Variants in DNAJC2 observed in about 807,000 individuals in gnomAD.
DNAJC2 encodes DnaJ heat shock protein family (Hsp40) member C2, also known as dnaJ homolog subfamily C member 2.
A neutral mutation model predicts 94.0 loss-of-function variants in DNAJC2; 32 were observed. The observed-to-expected ratio is 0.34, with a 90% CI of 0.26 to 0.46. The LOEUF is 0.46. Among genes scored for constraint, DNAJC2 ranks in the 20% least tolerant of loss-of-function variants. The probability of loss-of-function intolerance (pLI) is 1.00; values close to 1 mark genes in which losing one functional copy is unlikely to be tolerated. For missense variants in DNAJC2, 550 were observed against 719.5 expected (o/e 0.76, Z 2.69); for synonymous variants, 210 against 229.7 (o/e 0.91, Z 0.77).
intron 2 of DNAJC2, 105 bp downstream of exon 2, chr7:103,341,659 C>A: frequency 1.1e-6 from 1 of 941,154 alleles, no homozygotes; most frequent in Non-Finnish European, 1.6e-6. Context: ...TCATAGTTAT[C>A]TTGCTGAATC....
intron 3 of DNAJC2, among the ~76,000 whole-genome samples, chr7:103,335,058 T>C (rs1178695932): frequency 6.6e-6 from 1 of 152,180 alleles, no homozygotes; most frequent in African/African-American, 2.4e-5. Context: ...GGTCTCGAAC[T>C]CCTGACCTCA....
chr7:103,312,432 T>C lies in DNAJC2; in HGVS notation c.*137A>G. The C allele has an allele frequency of 6.6e-7, 1 of 1,513,110 alleles. No homozygotes were observed. Among genetic ancestry groups the C allele is most frequent in the African/African-American group, 1.4e-5 (1 of 71,138 alleles). The allele number at this position is 1,513,110 out of a possible 1,614,324, so 93.7% of individuals were successfully genotyped here. A position where few individuals can be genotyped will look rare whatever the true frequency, so the allele number is the denominator to read the frequency against. On this transcript the variant is annotated 3_prime_UTR_variant, in exon 17 of 17. Transcript: ENST00000379263. ...CCCTCTGAAGGTTGTTTTGTATTAA[T>C]GGTCAGTCTTTGTTCTCTGAGAAAT...
chr7:103,330,314 C>T (rs527610370), intron 3 of DNAJC2, among the ~76,000 whole-genome samples: 1 of 151,670 alleles, frequency 6.6e-6, no homozygotes, highest in African/African-American at 2.4e-5. Flanking sequence ...GAGACAGGGT[C>T]TCACTCTGTT....
At chr7:103,332,085 T>A (rs180789489) in intron 3 of DNAJC2, among the ~76,000 whole-genome samples, 15 of 151,768 alleles carry the variant, frequency 9.9e-5, no homozygotes, top group African/African-American at 2.4e-4. Context: ...GCTCACTGCA[T>A]GCTCTGCCTC....
intron 7 of DNAJC2, among the ~76,000 whole-genome samples, chr7:103,323,121 G>T (rs1308095330): frequency 6.6e-6 from 1 of 152,076 alleles, no homozygotes; most frequent in Non-Finnish European, 1.5e-5. Flanking sequence ...GTAGAGACAG[G>T]GTTTCGCCAT....
rs1459711511 is a variant in DNAJC2, at chr7:103,322,590, T to G, written c.854A>C (p.Glu285Ala). Reference sequence around the variant, plus strand: ...TGCTTCTTTCTTGGCTTTTTCTTCTTCCTTGAACTTTTTTATCCTTGGATC... The same window carrying G: ...TGCTTCTTTCTTGGCTTTTTCTTCTGCCTTGAACTTTTTTATCCTTGGATC... ...SCDPRIKKFK[E>A]EEKAKKEAEK... Residue 285 changes from glutamate (E) to alanine (A), a missense_variant, in exon 9 of 17, where the codon GAA becomes GCA. Coordinates refer to ENST00000379263, the MANE Select transcript of DNAJC2 (RefSeq NM_014377.3). 19 of 1,611,396 alleles carry G rather than the reference T, an allele frequency of 1.2e-5. No homozygotes were observed. The highest frequency in any genetic ancestry group is 1.5e-5 in the Non-Finnish European group (18 of 1,178,340).
At position 103,331,373 on chromosome 7, in the gene DNAJC2, T is replaced by A. The variant is rs374487449; in HGVS notation, c.332-3619A>T. ...TCTATGTATTGTGAACATTTCAAGT[T>A]CTGTCTTCTAGCTATTTTGAAATAT... On this transcript the variant is annotated intron_variant, in intron 3 of 16. Coordinates refer to ENST00000379263, the MANE Select transcript of DNAJC2 (RefSeq NM_014377.3). Among the ~76,000 whole-genome samples the A allele has an allele frequency of 5.3e-5, 8 of 152,376 alleles. No individual in the cohort carries two copies. The East Asian group carries it at 1.5e-3, about 29-fold the overall frequency.
chr7:103,333,439 G>T (rs1819049017), intron 3 of DNAJC2, among the ~76,000 whole-genome samples: 1 of 152,162 alleles, frequency 6.6e-6, no homozygotes, highest in East Asian at 1.9e-4. Flanking sequence ...AGGCTCAAAA[G>T]AATATATTTA....
At chr7:103,330,292 A>AT (rs943691004) in intron 3 of DNAJC2, among the ~76,000 whole-genome samples, 64 of 147,974 alleles carry the variant, frequency 4.3e-4, no homozygotes, top group South Asian at 1.5e-3. Flanking sequence ...TTGTTATTTT[A>AT]TTTTTTTTTT....
In DNAJC2 at chr7:103,341,973, A is replaced by G. The variant is rs749009200; in HGVS notation, c.65-19T>C. The G allele has an allele frequency of 3.3e-6, 5 of 1,532,954 alleles. No individual in the cohort carries two copies. In the East Asian group the frequency reaches 1.1e-4, roughly 35 times the overall value. 95.0% of individuals were successfully genotyped at this position (1,532,954 alleles called of 1,614,324 possible). ...GTAGAGGCTGTGATTGAAAGTGTTAAGAGAGGCTTCAGTGTATCGCATGGA... is the reference window on the plus strand; with the variant it reads ...GTAGAGGCTGTGATTGAAAGTGTTAGGAGAGGCTTCAGTGTATCGCATGGA... On this transcript the variant is annotated intron_variant, in intron 1 of 16. Coordinates refer to ENST00000379263, the MANE Select transcript of DNAJC2 (RefSeq NM_014377.3).
At chr7:103,339,599 C>T (rs1036573405) in intron 2 of DNAJC2, among the ~76,000 whole-genome samples, 9 of 150,658 alleles carry the variant, frequency 6.0e-5, no homozygotes, top group African/African-American at 2.2e-4. Flanking sequence ...TTGCCAAATC[C>T]AATGGTTTTT....
At chr7:103,343,929 T>C (rs1246587851) in intron 1 of DNAJC2, among the ~76,000 whole-genome samples, 1 of 152,244 alleles carries the variant, frequency 6.6e-6, no homozygotes, top group Non-Finnish European at 1.5e-5. Context: ...TGGGAATTAC[T>C]GTAGATCACT....
intron 15 of DNAJC2, among the ~76,000 whole-genome samples, 158 bp downstream of exon 15, chr7:103,315,606 G>A (rs1295618673): frequency 2.0e-5 from 3 of 152,088 alleles, no homozygotes; most frequent in Non-Finnish European, 4.4e-5. Context: ...TAATGGTTAG[G>A]TGAAGTAAAT....
chr7:103,316,975 CCT>C lies in DNAJC2; in HGVS notation c.1280_1281del (p.Glu427GlyfsTer3). On this transcript the variant is annotated frameshift_variant, in exon 13 of 17. Transcript: ENST00000379263. LOFTEE classifies it high-confidence loss of function. ...GCTTGTCGCATACGAGCCTCAGCTT[CCT>C]CTTTCTCTTTTCTGATTTGCTCATT... is the stretch of plus-strand genomic sequence containing the variant. ...EINEQIRKEK[E>X]EAEARMRQAS... is the part of the protein sequence containing the mutation. The C allele has an allele frequency of 6.2e-7, 1 of 1,613,804 alleles. No homozygotes were observed. Among genetic ancestry groups the C allele is most frequent in the Non-Finnish European group, 8.5e-7 (1 of 1,180,006 alleles).
In DNAJC2 at chr7:103,326,651, C is replaced by T. The variant is rs773465095; in HGVS notation, c.464G>A (p.Arg155Gln). 6.8e-6 allele frequency: 11 copies of T among 1,612,204 alleles called. No homozygotes were observed. Among genetic ancestry groups the T allele is most frequent in the East Asian group, 4.5e-5 (2 of 44,798 alleles). The change falls in exon 5 of 17, where the codon CGA becomes CAA. Residue 155 changes from arginine (R) to glutamine (Q), a missense_variant. Arg to Gln is a conservative substitution (Grantham distance 43, BLOSUM62 1). Coordinates refer to ENST00000379263, the MANE Select transcript of DNAJC2 (RefSeq NM_014377.3). The part of the protein sequence containing the change: ...YEMLSDPVKR[R>Q]AFNSVDPTFD... ...AGTAGGATCTACACTGTTAAATGCT[C>T]GTCTTTTCACTGGATCAGATAACAT...
chr7:103,335,401 C>CT (rs1018661131), intron 3 of DNAJC2: 1 of 152,168 alleles, frequency 6.6e-6, no homozygotes, highest in African/African-American at 2.4e-5. Flanking sequence ...TAAATAAAGA[C>CT]TGACGGAATA....
At chr7:103,342,341 T>TA (rs1021759087) in intron 1 of DNAJC2, among the ~76,000 whole-genome samples, 7 of 152,066 alleles carry the variant, frequency 4.6e-5, no homozygotes, top group African/African-American at 9.7e-5. Flanking sequence ...GTTTTGCTCT[T>TA]ACTGCCCAGG....
chr7:103,313,909 C>A (rs1325830769), intron 15 of DNAJC2: 1 of 985,262 alleles, frequency 1.0e-6, no homozygotes, highest in East Asian at 1.1e-4. Flanking sequence ...TCAGACTATG[C>A]AGTGACAACA....
Position 103,334,359 on chromosome 7 carries a change from C to T in DNAJC2, c.331+3377G>A, listed in dbSNP as rs138718777. Among the ~76,000 whole-genome samples, 1,469 of 151,416 alleles carry T rather than the reference C, an allele frequency of 9.7e-3. 62 individuals are homozygous for T. The East Asian group carries it at 0.13, about 14-fold the overall frequency. On this transcript the variant is annotated intron_variant, in intron 3 of 16. Transcript: ENST00000379263. The stretch of plus-strand genomic sequence containing the variant: ...GGTGGATCACTTGAACTCAGGAGTT[C>T]GAGACCAGCCTGGTCAACGTGGTGA...
Sources: allele counts gnomAD v4.1 joint callset (sites outside exome capture counted in the v4.1 genomes callset), GRCh38; gene constraint gnomAD v4.1.1; transcripts MANE v1.5; gene names NCBI Gene and HGNC (gene_info 2026-07-23, HGNC 2026-07-21).